Variants in C1QTNF3 observed in about 807,000 individuals in gnomAD.
C1QTNF3 encodes the protein C1q and TNF related 3, also known as complement C1q tumor necrosis factor-related protein 3.
Under a neutral mutation model 32.6 loss-of-function variants are expected in C1QTNF3, and 26 were observed. The observed-to-expected ratio is 0.80, with a 90% CI of 0.58 to 1.11. The LOEUF (loss-of-function observed/expected upper bound fraction) is 1.11, where lower values mean the gene tolerates loss of function less well. Ranked by LOEUF, C1QTNF3 falls within the 50% of genes least tolerant of loss-of-function variation. The pLI is 0.00. For missense variants in C1QTNF3, 362 were observed against 398.2 expected (o/e 0.91, Z 0.77); for synonymous variants, 155 against 146.0 (o/e 1.06, Z -0.44).
the C1QTNF3 span, among the ~76,000 whole-genome samples, chr5:34,139,455 A>G: frequency 1.3e-5 from 2 of 152,150 alleles, no homozygotes; most frequent in African/African-American, 2.4e-5. Context: ...TACTCTTGAG[A>G]TCTTCATAGA....
upstream of C1QTNF3, among the ~76,000 whole-genome samples, chr5:34,045,814 T>C (rs1330340080): frequency 6.6e-6 from 1 of 152,094 alleles, no homozygotes; most frequent in Admixed American, 6.5e-5. Context: ...AAGGTCAGTC[T>C]GAGAGCTGCC....
At chr5:34,233,659 G>C in the C1QTNF3 span, among the ~76,000 whole-genome samples, 2 of 151,278 alleles carry the variant, frequency 1.3e-5, no homozygotes, top group Non-Finnish European at 2.9e-5. Context: ...CCTTTTACCA[G>C]ATAAAGTTAA....
At chr5:34,064,156 C>A in the C1QTNF3 span, among the ~76,000 whole-genome samples, 3 of 152,178 alleles carry the variant, frequency 2.0e-5, no homozygotes, top group African/African-American at 7.2e-5. Flanking sequence ...TTAAGTCCAG[C>A]AGCCACGCTA....
the C1QTNF3 span, among the ~76,000 whole-genome samples, chr5:34,225,632 TG>T: frequency 6.6e-6 from 1 of 151,980 alleles, no homozygotes; most frequent in East Asian, 1.9e-4. Context: ...CATTTCACCT[TG>T]CTGATCAATC....
chr5:34,202,971 T>C, the C1QTNF3 span, among the ~76,000 whole-genome samples: 5 of 152,264 alleles, frequency 3.3e-5, no homozygotes, highest in Non-Finnish European at 4.4e-5. Flanking sequence ...AATGGCTTGA[T>C]TGACATAACT....
At chr5:34,185,933 TAAAAC>T in the C1QTNF3 span, among the ~76,000 whole-genome samples, 1 of 152,412 alleles carries the variant, frequency 6.6e-6, no homozygotes, top group African/African-American at 2.4e-5. Flanking sequence ...AAATCACAAT[TAAAAC>T]AAAGGTTCAA....
chr5:34,088,056 A>G, the C1QTNF3 span, among the ~76,000 whole-genome samples: 1 of 152,348 alleles, frequency 6.6e-6, no homozygotes, highest in East Asian at 1.9e-4. Context: ...GCAAATTATG[A>G]TGATAACTGT....
At chr5:34,207,468 T>C in the C1QTNF3 span, among the ~76,000 whole-genome samples, 1 of 152,180 alleles carries the variant, frequency 6.6e-6, no homozygotes, top group Non-Finnish European at 1.5e-5. Flanking sequence ...ATTTTGTGGT[T>C]GTTCACTTTT....
chr5:34,111,125 A>C, the C1QTNF3 span, among the ~76,000 whole-genome samples: 1 of 152,218 alleles, frequency 6.6e-6, no homozygotes, highest in Non-Finnish European at 1.5e-5. Context: ...TAATAGACTT[A>C]TTTGGAAAGC....
At chr5:34,217,222 T>C in the C1QTNF3 span, among the ~76,000 whole-genome samples, 2 of 152,140 alleles carry the variant, frequency 1.3e-5, no homozygotes, top group African/African-American at 2.4e-5. Flanking sequence ...AGACATTTCA[T>C]TTGAGGATAT....
chr5:34,082,763 T>C, the C1QTNF3 span, among the ~76,000 whole-genome samples: 2 of 151,698 alleles, frequency 1.3e-5, no homozygotes, highest in African/African-American at 2.4e-5. Flanking sequence ...CTGTTCAAAG[T>C]AGATGTAAAC....
the C1QTNF3 span, among the ~76,000 whole-genome samples, chr5:34,118,133 G>A: frequency 6.6e-6 from 1 of 152,128 alleles, no homozygotes; most frequent in South Asian, 2.1e-4. Flanking sequence ...AGGCTGGAGT[G>A]CAGGGGCATG....
chr5:34,186,894 T>C, the C1QTNF3 span, among the ~76,000 whole-genome samples: 1 of 152,426 alleles, frequency 6.6e-6, no homozygotes, highest in African/African-American at 2.4e-5. Context: ...AGGTACTTCA[T>C]TAATTTCCAT....
chr5:34,213,539 C>T, the C1QTNF3 span, among the ~76,000 whole-genome samples: 1 of 150,890 alleles, frequency 6.6e-6, no homozygotes, highest in Admixed American at 6.6e-5. Flanking sequence ...CAACAGGATA[C>T]AGAGTGGATC....
the C1QTNF3 span, among the ~76,000 whole-genome samples, chr5:34,213,705 T>TGTGTATATATAC: frequency 4.2e-5 from 6 of 142,562 alleles, no homozygotes; most frequent in African/African-American, 1.0e-4. Context: ...TATATATATA[T>TGTGTATATATAC]GTGTATATAT....
At chr5:34,171,606 C>G in the C1QTNF3 span, among the ~76,000 whole-genome samples, 1 of 152,110 alleles carries the variant, frequency 6.6e-6, no homozygotes, top group Admixed American at 6.6e-5. Context: ...TTTAGGAAGA[C>G]AGCTGATAAA....
At chr5:34,055,395 G>A in the C1QTNF3 span, among the ~76,000 whole-genome samples, 18 of 152,172 alleles carry the variant, frequency 1.2e-4, no homozygotes, top group South Asian at 1.4e-3. Flanking sequence ...GATTCTCACC[G>A]TATGAAAAGT....
chr5:34,028,111 T>C (rs1242733238), intron 4 of C1QTNF3, among the ~76,000 whole-genome samples: 1 of 152,196 alleles, frequency 6.6e-6, no homozygotes, highest in Non-Finnish European at 1.5e-5. Flanking sequence ...TAGCTGGGAC[T>C]ACAGGCGCCC....
At chr5:34,102,949 G>A in the C1QTNF3 span, among the ~76,000 whole-genome samples, 1,801 of 116,532 alleles carry the variant, frequency 0.015, 10 homozygotes, top group South Asian at 0.041. Flanking sequence ...ACCTGCACGT[G>A]TGCACATGTA....
Sources: gnomAD v4.1 joint callset for allele counts (sites outside exome capture counted in the v4.1 genomes callset) on GRCh38, gnomAD v4.1.1 for gene constraint, MANE v1.5 for transcripts, NCBI Gene and HGNC (gene_info 2026-07-23, HGNC 2026-07-21) for gene names.